Variants in KLHL12 observed in about 807,000 individuals in gnomAD.
KLHL12 encodes kelch-like protein 12.
KLHL12 carries 17 observed loss-of-function variants against 60.8 expected under a neutral mutation model. The observed-to-expected ratio is 0.28, with a 90% CI of 0.19 to 0.42. The LOEUF (loss-of-function observed/expected upper bound fraction) is 0.42, where lower values mean the gene tolerates loss of function less well. Ranked by LOEUF, KLHL12 falls within the 10% of genes least tolerant of loss-of-function variation. The pLI is 1.00. For synonymous variants in KLHL12, 220 were observed against 250.9 expected (o/e 0.88, Z 1.16); for missense variants, 468 against 722.3 (o/e 0.65, Z 4.04).
intron 6 of KLHL12, among the ~76,000 whole-genome samples, chr1:202,899,095 T>C (rs1659926861): frequency 6.6e-6 from 1 of 151,664 alleles, no homozygotes; most frequent in Non-Finnish European, 1.5e-5. Context: ...GGCAGATCAC[T>C]TGAGGTAAGG....
At chr1:202,905,531 G>A (rs753124636) in intron 6 of KLHL12, among the ~76,000 whole-genome samples, 2 of 152,186 alleles carry the variant, frequency 1.3e-5, no homozygotes, top group Non-Finnish European at 2.9e-5. Context: ...TTATCTCCTA[G>A]TGCCAGGTTC....
chr1:202,919,095 A>T (rs960707), intron 3 of KLHL12, among the ~76,000 whole-genome samples: 34,969 of 151,954 alleles, frequency 0.23, 4,638 homozygotes, highest in East Asian at 0.57. Context: ...ACACAAAAAA[A>T]TTTTGTTTTA....
intron 6 of KLHL12, among the ~76,000 whole-genome samples, chr1:202,903,460 G>GTTTT (rs11404714): frequency 7.5e-6 from 1 of 132,468 alleles, no homozygotes. Flanking sequence ...ATGCATTCTT[G>GTTTT]TTTTTTTTTT....
intron 5 of KLHL12, among the ~76,000 whole-genome samples, chr1:202,910,093 C>T (rs553476035): frequency 1.3e-5 from 2 of 152,296 alleles, no homozygotes; most frequent in South Asian, 4.1e-4. Flanking sequence ...GTAGTAAACA[C>T]TTATGTACAA....
chr1:202,904,117 C>G (rs1331691855), intron 6 of KLHL12, among the ~76,000 whole-genome samples: 1 of 152,040 alleles, frequency 6.6e-6, no homozygotes, highest in East Asian at 1.9e-4. Context: ...CTCCCAGGTT[C>G]AAGCAATTTC....
At chr1:202,925,453 A>G (rs1653493541) in intron 1 of KLHL12, among the ~76,000 whole-genome samples, 1 of 152,196 alleles carries the variant, frequency 6.6e-6, no homozygotes, top group African/African-American at 2.4e-5. Flanking sequence ...ATTTAATATG[A>G]TCAATGCTGA....
intron 2 of KLHL12, among the ~76,000 whole-genome samples, chr1:202,924,398 A>T (rs564851439): frequency 6.6e-5 from 10 of 152,116 alleles, no homozygotes; most frequent in South Asian, 2.1e-4. Context: ...TTTGAATCCT[A>T]CTCCTCTCTC....
chr1:202,918,555 C>T (rs1330303779), intron 3 of KLHL12, among the ~76,000 whole-genome samples, 167 bp from the exon 4 acceptor site: 1 of 152,232 alleles, frequency 6.6e-6, no homozygotes, highest in Non-Finnish European at 1.5e-5. Context: ...AACTCTATTT[C>T]TGGCTTATGT....
At chr1:202,900,327 T>C (rs1354047127) in intron 6 of KLHL12, among the ~76,000 whole-genome samples, 1 of 151,302 alleles carries the variant, frequency 6.6e-6, no homozygotes, top group Non-Finnish European at 1.5e-5. Context: ...GCAGATTCCT[T>C]GCGCCCAGGG....
At chr1:202,907,366 C>T (rs1169062782) in intron 6 of KLHL12, among the ~76,000 whole-genome samples, 1 of 151,898 alleles carries the variant, frequency 6.6e-6, no homozygotes, top group Non-Finnish European at 1.5e-5. Context: ...CTTTGGGAGG[C>T]CAAGGTGGGT....
chr1:202,897,801 C>T (rs1174310250), intron 6 of KLHL12, among the ~76,000 whole-genome samples: 4 of 151,722 alleles, frequency 2.6e-5, no homozygotes, highest in Non-Finnish European at 4.4e-5. Flanking sequence ...AACTCCTAGC[C>T]TAAAGTGATT....
rs1365131491 is a variant in KLHL12 at position 202,909,066 on chromosome 1, T to C, written c.776A>G (p.His259Arg). Residue 259 changes from histidine (H) to arginine (R), a missense_variant, in exon 6 of 12, where the codon CAT becomes CGT. By Grantham distance (29) the His-to-Arg change is conservative. This residue lies in a region of KLHL12 where 339 missense variants were observed against 525.0 expected (regional missense o/e 0.65). Coordinates refer to ENST00000367261, the MANE Select transcript of KLHL12 (RefSeq NM_021633.4). The surrounding 1 kb of genome is among the most constrained non-coding windows in gnomAD (Gnocchi z 4.1). Reference protein sequence around the residue: ...RDLVDEAKKFHLRPELRSQMQ... With the variant: ...RDLVDEAKKFRLRPELRSQMQ... ...CTGACTCCGAAGTTCAGGCCTCAGA[T>C]GAAACTTCTTTGCTTCATCAACCAG... is the stretch of plus-strand genomic sequence containing the variant. 1 of 1,614,070 alleles carries C rather than the reference T, an allele frequency of 6.2e-7. No individual in the cohort carries two copies. The highest frequency in any genetic ancestry group is 1.7e-5 in the Admixed American group (1 of 60,004).
Position 202,893,431 on chromosome 1 carries a change from G to A in KLHL12, c.1394-6C>T. On this transcript the variant is annotated splice_polypyrimidine_tract_variant and splice_region_variant and intron_variant, in intron 10 of 11. Coordinates refer to ENST00000367261, the MANE Select transcript of KLHL12 (RefSeq NM_021633.4). This position sits in a 1 kb window ranked among gnomAD's most constrained non-coding sequence, Gnocchi z 4.1. Reference sequence around the variant, plus strand: ...CAGCAGGGCTACTCCTGCACCTGGGGAAAATGAATGCATTAGCAAATGTAT... The same window carrying A: ...CAGCAGGGCTACTCCTGCACCTGGGAAAAATGAATGCATTAGCAAATGTAT... The A allele has an allele frequency of 6.2e-7, 1 of 1,606,044 alleles. No individual in the cohort carries two copies. Among genetic ancestry groups the A allele is most frequent in the African/African-American group, 1.3e-5 (1 of 74,758 alleles).
At chr1:202,911,676 C>G (rs1309617827) in intron 4 of KLHL12, 5 of 504,892 alleles carry the variant, frequency 9.9e-6, no homozygotes, top group Non-Finnish European at 1.4e-5. Flanking sequence ...GCTCACCCCT[C>G]AAACTGTTCA....
In KLHL12 at chr1:202,892,371, C is replaced by T. The variant is rs996785761; in HGVS notation, c.*162G>A. The T allele has an allele frequency of 1.0e-5, 7 of 674,134 alleles. No individual in the cohort carries two copies. Among genetic ancestry groups the T allele is most frequent in the East Asian group, 3.0e-5 (1 of 33,110 alleles). 41.8% of individuals were successfully genotyped at this position (674,134 alleles called of 1,614,324 possible). A position where few individuals can be genotyped will look rare whatever the true frequency, so the allele number is the denominator to read the frequency against. ...CCCTTCTCAGGAACAAGAACCAGGA[C>T]GACGGGGAGTATGTGTCAAATAAGT... On this transcript the variant is annotated 3_prime_UTR_variant, in exon 12 of 12. Transcript: ENST00000367261.
chr1:202,906,137 AAAT>A (rs1459602515), intron 6 of KLHL12, among the ~76,000 whole-genome samples: 1 of 145,678 alleles, frequency 6.9e-6, no homozygotes, highest in African/African-American at 2.5e-5. Context: ...CAATTTTTAA[AAAT>A]AATAATTATT....
chr1:202,892,750 G>C, intron 11 of KLHL12, 91 bp from the exon 12 acceptor site: 2 of 1,402,968 alleles, frequency 1.4e-6, no homozygotes, highest in Non-Finnish European at 2.0e-6. Flanking sequence ...GCTGAGGTAA[G>C]AGGATTGCTT....
At chr1:202,899,935 G>C (rs577696550) in intron 6 of KLHL12, among the ~76,000 whole-genome samples, 1 of 152,148 alleles carries the variant, frequency 6.6e-6, no homozygotes, top group East Asian at 1.9e-4. Context: ...TTCAAGTTGG[G>C]AGAAGCTAGG....
intron 7 of KLHL12, among the ~76,000 whole-genome samples, chr1:202,896,457 C>G (rs561343850): frequency 3.9e-5 from 6 of 152,344 alleles, no homozygotes; most frequent in Non-Finnish European, 8.8e-5. Flanking sequence ...TCCCAAAGGG[C>G]TGGGATTATA....
Sources: gnomAD v4.1 joint callset for allele counts (sites outside exome capture counted in the v4.1 genomes callset) on GRCh38, gnomAD v4.1.1 for gene constraint, gnomAD v4.1.1 regional missense constraint, Gnocchi (gnomAD v3.1) non-coding constraint, MANE v1.5 for transcripts, NCBI Gene and HGNC (gene_info 2026-07-23, HGNC 2026-07-21) for gene names.